Variants in ZNF623 observed in about 807,000 individuals in gnomAD.
ZNF623 encodes the protein zinc finger protein 623.
ZNF623 carries 16 observed loss-of-function variants against 24.0 expected under a neutral mutation model. That is an observed-to-expected ratio of 0.67 (90% CI 0.45 to 1.01). The LOEUF (loss-of-function observed/expected upper bound fraction) is 1.01, where lower values mean the gene tolerates loss of function less well. Among genes scored for constraint, ZNF623 ranks in the 50% least tolerant of loss-of-function variants. The pLI, the probability that ZNF623 is intolerant of heterozygous loss-of-function variation, is 0.00. For synonymous variants in ZNF623, 224 were observed against 219.8 expected (o/e 1.02, Z -0.17); for missense variants, 566 against 606.5 (o/e 0.93, Z 0.70).
intron 1 of ZNF623, among the ~76,000 whole-genome samples, chr8:143,648,229 C>T (rs1410111509): frequency 2.0e-5 from 3 of 152,076 alleles, no homozygotes; most frequent in Non-Finnish European, 2.9e-5. Flanking sequence ...GGCTTTGAGG[C>T]GTCAGGGGAC....
rs942499208 is a variant in ZNF623, at chr8:143,640,968, A to T, written c.-96+4823A>T. Among the ~76,000 whole-genome samples the T allele has an allele frequency of 1.4e-3, 151 of 106,958 alleles. 1 individual carries two copies. Among genetic ancestry groups the T allele is most frequent in the Admixed American group, 4.7e-3 (46 of 9,730 alleles). 70.2% of individuals were successfully genotyped at this position (106,958 alleles called of 152,430 possible). ...AAAAAAAAAAAAAAAAAAAAAAAAA[A>T]GCAGCAGCACCTCATCCATTCAAGT... On this transcript the variant is annotated intron_variant, in intron 1 of 1. Coordinates refer to ENST00000526926, the MANE Select transcript of ZNF623 (RefSeq NM_001261843.2).
At chr8:143,640,174 C>T (rs928253289) in intron 1 of ZNF623, among the ~76,000 whole-genome samples, 1 of 152,144 alleles carries the variant, frequency 6.6e-6, no homozygotes, top group Non-Finnish European at 1.5e-5. Context: ...ATAAAAGTTA[C>T]GTTTAGGTAT....
chr8:143,648,664 T>G (rs1815225204), intron 1 of ZNF623, among the ~76,000 whole-genome samples: 1 of 151,684 alleles, frequency 6.6e-6, no homozygotes, highest in African/African-American at 2.4e-5. Flanking sequence ...CCTGCATGTG[T>G]GAGAGGGAAA....
intron 1 of ZNF623, among the ~76,000 whole-genome samples, chr8:143,641,939 G>A (rs918000706): frequency 3.9e-5 from 6 of 152,168 alleles, no homozygotes; most frequent in Admixed American, 3.3e-4. Context: ...TAGAATTTTT[G>A]GAATGGGAAA....
Position 143,650,297 on chromosome 8 carries a change from G to A in ZNF623, c.305G>A (p.Arg102Gln), listed in dbSNP as rs747498050. The A allele has an allele frequency of 1.1e-5, 17 of 1,614,098 alleles. No individual in the cohort carries two copies. The highest frequency in any genetic ancestry group is 1.6e-4 in the Middle Eastern group (1 of 6,084). ...TTTAATTCGGACCTAGTTAGGCATC[G>A]GATTTCGCATGCTGGGGAGAAACCT... ...FTFNSDLVRH[R>Q]ISHAGEKPYT... The change falls in exon 2 of 2, where the codon CGG becomes CAG. Residue 102 changes from arginine to glutamine, a missense_variant. Around this residue, in one of 3 missense-constraint regions of ZNF623, gnomAD observed 313 missense variants for 300.4 expected, o/e 1.04. Coordinates refer to ENST00000526926, the MANE Select transcript of ZNF623 (RefSeq NM_001261843.2). This position sits in a 1 kb window ranked among gnomAD's most constrained non-coding sequence, Gnocchi z 5.2.
intron 1 of ZNF623, among the ~76,000 whole-genome samples, chr8:143,647,305 C>T (rs565872049): frequency 2.6e-5 from 4 of 152,278 alleles, no homozygotes; most frequent in East Asian, 1.9e-4. Flanking sequence ...GGACTACAGG[C>T]GCCTGCCGCC....
chr8:143,649,833 C>T (rs769877060), intron 1 of ZNF623, 65 bp from the exon 2 acceptor site: 4 of 1,558,884 alleles, frequency 2.6e-6, no homozygotes, highest in Non-Finnish European at 3.5e-6. Context: ...TTTATCCTGC[C>T]CTGATTCAGG....
chr8:143,652,443 G>A lies in ZNF623; in HGVS notation c.*960G>A, dbSNP rs1212479157. On this transcript the variant is annotated 3_prime_UTR_variant, in exon 2 of 2. Transcript: ENST00000526926. ...ACTGCCATTCTAAAAATTTTCAGCT[G>A]TTGGCTGTTTTTTTTGTTGTTTGTT... The A allele has an allele frequency of 1.2e-5, 2 of 167,000 alleles. No individual in the cohort carries two copies. Among genetic ancestry groups the A allele is most frequent in the East Asian group, 1.9e-4 (1 of 5,198 alleles). The allele number at this position is 167,000 out of a possible 1,614,324, so 10.3% of individuals were successfully genotyped here. A position where few individuals can be genotyped will look rare whatever the true frequency, so the allele number is the denominator to read the frequency against.
rs557661832 is a variant in ZNF623, at chr8:143,645,573, A to G, written c.-95-4325A>G. Among the ~76,000 whole-genome samples the G allele has an allele frequency of 2.0e-5, 3 of 152,268 alleles. No homozygotes were observed. In the East Asian group the frequency reaches 5.8e-4, roughly 29 times the overall value. ...TTCTGGCTTCCCCCCTTTCCATGGC[A>G]GAGCCTCAGATATCATTGTTTCGTT... On this transcript the variant is annotated intron_variant, in intron 1 of 1. Transcript: ENST00000526926.
intron 1 of ZNF623, among the ~76,000 whole-genome samples, chr8:143,640,644 A>G (rs1446499372): frequency 1.3e-5 from 2 of 152,216 alleles, no homozygotes; most frequent in South Asian, 2.1e-4. Context: ...CCTCATCTCT[A>G]AGAAGCAACA....
At chr8:143,649,791 G>A in intron 1 of ZNF623, 107 bp from the exon 2 acceptor site, 1 of 1,429,516 alleles carries the variant, frequency 7.0e-7, no homozygotes, top group Non-Finnish European at 9.5e-7. Flanking sequence ...ATGAGGGGCA[G>A]AGGAAACACT....
rs1402741180 is a variant in ZNF623, at chr8:143,649,983, A to G, written c.-10A>G. Reference sequence around the variant, plus strand: ...ACTCACATAGGACGACGTCAGACAGACTCACGGTGATGGAGCTCCCCTCTC... The same window carrying G: ...ACTCACATAGGACGACGTCAGACAGGCTCACGGTGATGGAGCTCCCCTCTC... On this transcript the variant is annotated 5_prime_UTR_variant, in exon 2 of 2. Transcript: ENST00000526926. 2 of 1,614,110 alleles carry G rather than the reference A, an allele frequency of 1.2e-6. No homozygotes were observed. Among genetic ancestry groups the G allele is most frequent in the Non-Finnish European group, 1.7e-6 (2 of 1,180,022 alleles).
chr8:143,649,133 C>T (rs1186710216), intron 1 of ZNF623, among the ~76,000 whole-genome samples: 1 of 152,008 alleles, frequency 6.6e-6, no homozygotes, highest in South Asian at 2.1e-4. Context: ...AAAAAATTAG[C>T]CGGGCGTGGT....
At position 143,650,104 on chromosome 8, in the gene ZNF623, T is replaced by C. The variant is rs773538441; in HGVS notation, c.112T>C (p.Cys38Arg). Residue 38 changes from cysteine (C) to arginine (R), a missense_variant, in exon 2 of 2, where the codon TGC becomes CGC. Physicochemically the swap from Cys to Arg is radical, Grantham distance 180. Around this residue, in one of 3 missense-constraint regions of ZNF623, gnomAD observed 313 missense variants for 300.4 expected, o/e 1.04. Coordinates refer to ENST00000526926, the MANE Select transcript of ZNF623 (RefSeq NM_001261843.2). This position sits in a 1 kb window ranked among gnomAD's most constrained non-coding sequence, Gnocchi z 5.2. ...GAGTTCCCCCTCTCAGGACAGGGGC[T>C]GCAAGCAGGTGACAGTGACCCATTG... The part of the protein sequence containing the change: ...LGSSPSQDRG[C>R]KQVTVTHWKI... 37 of 1,614,146 alleles carry C rather than the reference T, an allele frequency of 2.3e-5. No individual in the cohort carries two copies. Among genetic ancestry groups the C allele is most frequent in the Non-Finnish European group, 3.1e-5 (37 of 1,180,024 alleles).
Position 143,651,633 on chromosome 8 carries a change from C to A in ZNF623, c.*150C>A. ...TGCCACCTGCCACTGTGCAGCCCTA[C>A]TCGGCTCAGCCCTTCTCCTCAGCTG... is the stretch of plus-strand genomic sequence containing the variant. On this transcript the variant is annotated 3_prime_UTR_variant, in exon 2 of 2. Transcript: ENST00000526926. The A allele has an allele frequency of 1.2e-6, 1 of 856,892 alleles. No individual in the cohort carries two copies. The highest frequency in any genetic ancestry group is 1.8e-6 in the Non-Finnish European group (1 of 557,872). The allele number at this position is 856,892 out of a possible 1,614,324, so 53.1% of individuals were successfully genotyped here. A position where few individuals can be genotyped will look rare whatever the true frequency, so the allele number is the denominator to read the frequency against.
At chr8:143,642,910 C>A (rs1815089702) in intron 1 of ZNF623, among the ~76,000 whole-genome samples, 1 of 152,174 alleles carries the variant, frequency 6.6e-6, no homozygotes, top group Non-Finnish European at 1.5e-5. Context: ...GTACACACCC[C>A]TTCTTCCAGT....
rs929812413 is a variant in ZNF623, at chr8:143,650,368, C to T, written c.376C>T (p.Leu126Phe). 2 of 1,614,102 alleles carry T rather than the reference C, an allele frequency of 1.2e-6. No homozygotes were observed. The highest frequency in any genetic ancestry group is 1.3e-5 in the African/African-American group (1 of 74,934). Residue 126 changes from leucine to phenylalanine, a missense_variant, in exon 2 of 2, where the codon CTT becomes TTT. Physicochemically the swap from Leu to Phe is conservative, Grantham distance 22 (BLOSUM62 0). Transcript: ENST00000526926. This position sits in a 1 kb window ranked among gnomAD's most constrained non-coding sequence, Gnocchi z 5.2. Reference sequence around the variant, plus strand: ...GAAAGGCTTTGGCCAGAGCTCACACCTTATGGAGCATCAGAGAATTCACAC... The same window carrying T: ...GAAAGGCTTTGGCCAGAGCTCACACTTTATGGAGCATCAGAGAATTCACAC... ...CGKGFGQSSH[L>F]MEHQRIHTGE...
chr8:143,650,517 G>A lies in ZNF623; in HGVS notation c.525G>A (p.Ala175=), dbSNP rs543510735. The A allele has an allele frequency of 1.1e-5, 17 of 1,614,098 alleles. No homozygotes were observed. In the Admixed American group the frequency reaches 1.5e-4, roughly 14 times the overall value. The change falls in exon 2 of 2, where the codon GCG becomes GCA. Residue 175 remains alanine (A), a synonymous_variant. Coordinates refer to ENST00000526926, the MANE Select transcript of ZNF623 (RefSeq NM_001261843.2). This position sits in a 1 kb window ranked among gnomAD's most constrained non-coding sequence, Gnocchi z 5.2. The part of the protein sequence containing the change: ...KPFKCAQCGK[A]FCHSSDLIRH... ...TCAAATGTGCGCAGTGTGGGAAGGC[G>A]TTTTGTCACAGTTCAGACCTGATTA...
At position 143,650,669 on chromosome 8, in the gene ZNF623, A is replaced by G. The variant is rs780726901; in HGVS notation, c.677A>G (p.Asn226Ser). The G allele has an allele frequency of 2.5e-6, 4 of 1,614,040 alleles. No individual in the cohort carries two copies. Among genetic ancestry groups the G allele is most frequent in the African/African-American group, 2.7e-5 (2 of 74,982 alleles). The change falls in exon 2 of 2, where the codon AAT becomes AGT. Residue 226 changes from asparagine (N) to serine (S), a missense_variant. By Grantham distance (46) the Asn-to-Ser change is conservative. Transcript: ENST00000526926. The surrounding 1 kb of genome is among the most constrained non-coding windows in gnomAD (Gnocchi z 5.2). ...ACGGGAGAAAGGCCCTATGAGTGCA[A>G]TGAATGTGGGAAATCCTTCATAAGG... Reference protein sequence around the residue: ...IHTGERPYECNECGKSFIRSS... With the variant: ...IHTGERPYECSECGKSFIRSS...
Sources: gnomAD v4.1 joint callset for allele counts (sites outside exome capture counted in the v4.1 genomes callset) on GRCh38, gnomAD v4.1.1 for gene constraint, gnomAD v4.1.1 regional missense constraint, Gnocchi (gnomAD v3.1) non-coding constraint, MANE v1.5 for transcripts, NCBI Gene and HGNC (gene_info 2026-07-23, HGNC 2026-07-21) for gene names.